LEKR1: variants seen among roughly 807,000 people sequenced by gnomAD.
LEKR1 encodes protein LEKR1.
LEKR1 carries 59 observed loss-of-function variants against 72.4 expected under a neutral mutation model. That is an observed-to-expected ratio of 0.82 (90% CI 0.66 to 1.01). LEKR1 has a LOEUF of 1.01. LEKR1 is among the 50% of genes least tolerant of loss of function. The probability of loss-of-function intolerance (pLI) is 0.00; values close to 1 mark genes in which losing one functional copy is unlikely to be tolerated. For synonymous variants in LEKR1, 257 were observed against 263.2 expected, an observed-to-expected ratio of 0.98 and a Z score of 0.23; for missense variants, 728 against 759.2, an observed-to-expected ratio of 0.96 and a Z score of 0.48.
chr3:156,955,810 TTTG>T (rs75693810), intron 6 of LEKR1, among the ~76,000 whole-genome samples: 23 of 151,796 alleles, frequency 1.5e-4, no homozygotes, highest in Admixed American at 1.5e-3. Context: ...AAGTTTTCTT[TTTG>T]TTGTTGTTGT....
At chr3:156,838,448 C>T (rs150871689) in intron 2 of LEKR1, among the ~76,000 whole-genome samples, 3 of 152,290 alleles carry the variant, frequency 2.0e-5, no homozygotes, top group African/African-American at 7.2e-5. Context: ...ACTGGGGAGA[C>T]ATCTCCCCAA....
At chr3:157,017,553 C>T (rs1328222638) in intron 10 of LEKR1, 1 of 152,164 alleles carries the variant, frequency 6.6e-6, no homozygotes, top group African/African-American at 2.4e-5. Context: ...AGTAGCTGTG[C>T]TCCTCCCCTG....
At chr3:156,955,098 T>G (rs2107978957) in intron 6 of LEKR1, among the ~76,000 whole-genome samples, 1 of 151,822 alleles carries the variant, frequency 6.6e-6, no homozygotes, top group Non-Finnish European at 1.5e-5. Context: ...ATTCTTAGGG[T>G]TTTAAAAATT....
At chr3:157,039,491 C>A (rs188471097) in intron 12 of LEKR1, among the ~76,000 whole-genome samples, 1 of 152,006 alleles carries the variant, frequency 6.6e-6, no homozygotes, top group Non-Finnish European at 1.5e-5. Flanking sequence ...TGGTGGCACA[C>A]GCCTGTAGTC....
intron 5 of LEKR1, among the ~76,000 whole-genome samples, chr3:156,930,764 T>C (rs1222406613): frequency 6.6e-6 from 1 of 152,022 alleles, no homozygotes; most frequent in Non-Finnish European, 1.5e-5. Flanking sequence ...TGACCCTACT[T>C]ATATAATCAA....
At chr3:156,859,820 C>G (rs1716554492) in intron 3 of LEKR1, among the ~76,000 whole-genome samples, 2 of 152,192 alleles carry the variant, frequency 1.3e-5, no homozygotes, top group African/African-American at 4.8e-5. Context: ...CTGATCTATA[C>G]TGTTGGTGTT....
At chr3:156,900,589 G>C (rs1721930224) in intron 3 of LEKR1, among the ~76,000 whole-genome samples, 2 of 152,126 alleles carry the variant, frequency 1.3e-5, no homozygotes, top group African/African-American at 4.8e-5. Flanking sequence ...GGTATTACCA[G>C]TAGGCATGAA....
intron 6 of LEKR1, among the ~76,000 whole-genome samples, chr3:156,954,702 T>C (rs1488811358): frequency 2.6e-5 from 4 of 152,226 alleles, no homozygotes; most frequent in African/African-American, 9.6e-5. Context: ...CTCTATTCTG[T>C]TCCATTGTTC....
intron 3 of LEKR1, among the ~76,000 whole-genome samples, chr3:156,880,881 C>T (rs1216935542): frequency 6.6e-6 from 1 of 152,096 alleles, no homozygotes; most frequent in Non-Finnish European, 1.5e-5. Context: ...AGCATATAAA[C>T]AGAACCAAAA....
At chr3:156,854,993 T>C (rs768058339) in intron 3 of LEKR1, among the ~76,000 whole-genome samples, 1 of 152,246 alleles carries the variant, frequency 6.6e-6, no homozygotes, top group Non-Finnish European at 1.5e-5. Flanking sequence ...TGTTAATGTA[T>C]GTAGATCTAC....
intron 3 of LEKR1, among the ~76,000 whole-genome samples, chr3:156,899,971 G>C (rs1380741820): frequency 6.6e-6 from 1 of 152,042 alleles, no homozygotes; most frequent in African/African-American, 2.4e-5. Context: ...ATTTGGGATA[G>C]CTAAAGGCTC....
At chr3:156,886,283 C>G (rs763152385) in intron 3 of LEKR1, among the ~76,000 whole-genome samples, 1 of 152,074 alleles carries the variant, frequency 6.6e-6, no homozygotes, top group Non-Finnish European at 1.5e-5. Context: ...GTTGGAGAGG[C>G]TGTTCTCACT....
intron 3 of LEKR1, among the ~76,000 whole-genome samples, chr3:156,915,365 C>G (rs969346312): frequency 1.3e-5 from 2 of 151,926 alleles, no homozygotes; most frequent in Non-Finnish European, 2.9e-5. Flanking sequence ...ATTTACACTC[C>G]CACCAAGAGT....
At chr3:156,944,052 A>T (rs1217160062) in intron 6 of LEKR1, among the ~76,000 whole-genome samples, 1 of 151,448 alleles carries the variant, frequency 6.6e-6, no homozygotes, top group Non-Finnish European at 1.5e-5. Context: ...TTATCTATTG[A>T]CTTTTTATGG....
At chr3:156,958,074 C>G (rs1468532751) in intron 6 of LEKR1, among the ~76,000 whole-genome samples, 1 of 152,112 alleles carries the variant, frequency 6.6e-6, no homozygotes, top group African/African-American at 2.4e-5. Context: ...CAGAAGTGGA[C>G]AGGATTATTA....
chr3:156,869,123 A>G (rs1717631289), intron 3 of LEKR1, among the ~76,000 whole-genome samples: 1 of 152,050 alleles, frequency 6.6e-6, no homozygotes, highest in Non-Finnish European at 1.5e-5. Context: ...GGTTGATTCC[A>G]TATCTTTGCT....
chr3:157,037,539 G>T (rs550456335), intron 12 of LEKR1, among the ~76,000 whole-genome samples: 1 of 152,176 alleles, frequency 6.6e-6, no homozygotes, highest in East Asian at 1.9e-4. Flanking sequence ...TTAAGACAAA[G>T]CAGATTCTAG....
At chr3:156,895,490 A>T (rs1721082345) in intron 3 of LEKR1, among the ~76,000 whole-genome samples, 1 of 152,126 alleles carries the variant, frequency 6.6e-6, no homozygotes, top group East Asian at 1.9e-4. Context: ...TCATGCCTAT[A>T]GTCCCAGATA....
intron 7 of LEKR1, among the ~76,000 whole-genome samples, chr3:156,983,747 C>A (rs1280674665): frequency 6.6e-6 from 1 of 152,130 alleles, no homozygotes; most frequent in South Asian, 2.1e-4. Context: ...AGACCAGGGT[C>A]CCCACAGCCC....
Sources: gnomAD v4.1 joint callset for allele counts (sites outside exome capture counted in the v4.1 genomes callset) on GRCh38, gnomAD v4.1.1 for gene constraint, MANE v1.5 for transcripts, NCBI Gene and HGNC (gene_info 2026-07-23, HGNC 2026-07-21) for gene names.